SHPRH: variants seen among roughly 807,000 people sequenced by gnomAD.
The protein encoded by SHPRH is SNF2 histone linker PHD RING helicase.
SHPRH carries 106 observed loss-of-function variants against 202.5 expected under a neutral mutation model. That is an observed-to-expected ratio of 0.52 (90% CI 0.45 to 0.62). The LOEUF is 0.62. Among genes scored for constraint, SHPRH ranks in the 20% least tolerant of loss-of-function variants. The probability of loss-of-function intolerance (pLI) is 0.00; values close to 1 mark genes in which losing one functional copy is unlikely to be tolerated. For synonymous variants in SHPRH, 729 were observed against 686.0 expected (o/e 1.06, Z -0.98); for missense variants, 1,710 against 2,020.0 (o/e 0.85, Z 2.94).
At chr6:145,945,267 A>G (rs1421369903) in intron 8 of SHPRH, 114 bp downstream of exon 8, 3 of 1,283,540 alleles carry the variant, frequency 2.3e-6, no homozygotes, top group Admixed American at 2.6e-5. Flanking sequence ...TACTTTTCCT[A>G]TTTTTTTATC....
intron 23 of SHPRH, among the ~76,000 whole-genome samples, chr6:145,913,864 GGTAAAT>G (rs781598991): frequency 2.6e-5 from 4 of 152,002 alleles, no homozygotes; most frequent in Admixed American, 1.3e-4. Context: ...TGACAATCAA[GGTAAAT>G]GTTCACTGGA....
chr6:145,951,714 C>T (rs1317742499), intron 3 of SHPRH: 10 of 444,448 alleles, frequency 2.2e-5, no homozygotes, highest in South Asian at 4.7e-5. Flanking sequence ...AAATAACAAT[C>T]GAAGTTAGAA....
intron 2 of SHPRH, among the ~76,000 whole-genome samples, chr6:145,954,041 A>C (rs1011220257): frequency 6.6e-6 from 1 of 151,896 alleles, no homozygotes; most frequent in African/African-American, 2.4e-5. Flanking sequence ...AGGGCACATA[A>C]TACTACCAAT....
At chr6:145,863,771 G>T (rs998995252), downstream of SHPRH, among the ~76,000 whole-genome samples, 1 of 152,148 alleles carries the variant, frequency 6.6e-6, no homozygotes, top group East Asian at 1.9e-4. Context: ...AAGTGTTTTC[G>T]AGAGGGTAAA....
chr6:145,940,700 T>G, intron 11 of SHPRH, 23 bp downstream of exon 11: 1 of 1,609,734 alleles, frequency 6.2e-7, no homozygotes, highest in Non-Finnish European at 8.5e-7. Context: ...ATGCATGCAA[T>G]ATGTGAGGAA....
intron 25 of SHPRH, among the ~76,000 whole-genome samples, chr6:145,900,254 A>AGT (rs1323332371): frequency 6.6e-6 from 1 of 152,186 alleles, no homozygotes; most frequent in Non-Finnish European, 1.5e-5. Flanking sequence ...AATCAATGTA[A>AGT]GTGTCCATCC....
intron 25 of SHPRH, among the ~76,000 whole-genome samples, chr6:145,898,085 A>G (rs375912203): frequency 6.6e-5 from 10 of 152,206 alleles, no homozygotes; most frequent in African/African-American, 2.4e-4. Flanking sequence ...TTTGCAGATG[A>G]CATGATCTTA....
At chr6:145,958,743 G>A (rs1788758760) in intron 1 of SHPRH, among the ~76,000 whole-genome samples, 2 of 152,162 alleles carry the variant, frequency 1.3e-5, no homozygotes, top group Admixed American at 1.3e-4. Context: ...TGGTCAATGA[G>A]GGACCAAATA....
downstream of SHPRH, among the ~76,000 whole-genome samples, chr6:145,863,845 G>C (rs77159039): frequency 0.023 from 3,466 of 152,254 alleles, 47 homozygotes; most frequent in Admixed American, 0.032. Context: ...TAAGGAGCTG[G>C]CTGTCAGAAA....
intron 19 of SHPRH, 110 bp downstream of exon 19, chr6:145,922,553 C>T: frequency 4.5e-6 from 6 of 1,343,904 alleles, no homozygotes; most frequent in Non-Finnish European, 6.0e-6. Flanking sequence ...CTACTTCTGT[C>T]TCAATTAAAA....
intron 14 of SHPRH, among the ~76,000 whole-genome samples, chr6:145,928,049 CA>C (rs548113241): frequency 2.0e-5 from 3 of 151,402 alleles, no homozygotes; most frequent in Non-Finnish European, 2.9e-5. Flanking sequence ...GAAAAAAATT[CA>C]AAAAAAATAT....
the SHPRH span, among the ~76,000 whole-genome samples, chr6:145,858,198 C>T: frequency 6.6e-6 from 1 of 152,074 alleles, no homozygotes; most frequent in Non-Finnish European, 1.5e-5. Flanking sequence ...ATAATCCAGT[C>T]ATTCTACTCC....
intron 23 of SHPRH, among the ~76,000 whole-genome samples, chr6:145,915,217 A>T (rs932060885): frequency 6.7e-6 from 1 of 148,824 alleles, no homozygotes; most frequent in African/African-American, 2.4e-5. Context: ...TAATAAATTT[A>T]AATAAATTAA....
At position 145,943,420 on chromosome 6, in the gene SHPRH, G is replaced by C; in HGVS notation, c.1961C>G (p.Thr654Ser). Residue 654 changes from threonine to serine, a missense_variant, in exon 9 of 30, where the codon ACC (threonine) becomes AGC (serine). Physicochemically the swap from Thr to Ser is moderately conservative, Grantham distance 58 (BLOSUM62 1). This residue lies in a region of SHPRH where 348 missense variants were observed against 356.9 expected (regional missense o/e 0.97). Coordinates refer to ENST00000275233, the MANE Select transcript of SHPRH (RefSeq NM_001042683.3). ...TATACACTCAAAGCGGTAATCAGAG[G>C]TGTTAAAGGGACTCATGGTATTAGA... ...PPSNTMSPFN[T>S]SDYRFECICG... 2 of 1,614,032 alleles carry C rather than the reference G, an allele frequency of 1.2e-6. No individual in the cohort carries two copies. Among genetic ancestry groups the C allele is most frequent in the Non-Finnish European group, 1.7e-6 (2 of 1,179,948 alleles).
chr6:145,884,001 A>G (rs1454784890), downstream of SHPRH: 5 of 152,228 alleles, frequency 3.3e-5, no homozygotes, highest in Admixed American at 6.6e-5. Context: ...AAATAACTTA[A>G]GCACATTGGA....
In SHPRH at chr6:145,926,276, G is replaced by T. The variant is rs1784871586; in HGVS notation, c.3222C>A (p.Asn1074Lys). The T allele has an allele frequency of 1.2e-6, 2 of 1,612,674 alleles. No homozygotes were observed. Among genetic ancestry groups the T allele is most frequent in the Non-Finnish European group, 1.7e-6 (2 of 1,179,152 alleles). The change falls in exon 16 of 30, where the codon AAC becomes AAA. Residue 1074 changes from asparagine to lysine, a missense_variant. By Grantham distance (94) the Asn-to-Lys change is moderately conservative (BLOSUM62 0). Around this residue, in one of 8 missense-constraint regions of SHPRH, gnomAD observed 288 missense variants for 317.8 expected, o/e 0.91. Coordinates refer to ENST00000275233, the MANE Select transcript of SHPRH (RefSeq NM_001042683.3). ...GCCTGGCTATCAACAATTCCATCAA[G>T]TTATGGGTAGCATGAAGTCTCTACA... ...DSLQRLHATH[N>K]LMELLIARHP... is the part of the protein sequence containing the mutation.
intron 11 of SHPRH, 166 bp from the exon 12 acceptor site, chr6:145,935,607 T>A: frequency 1.5e-6 from 1 of 678,658 alleles, no homozygotes; most frequent in South Asian, 2.4e-5. Flanking sequence ...CATTTATACT[T>A]ATTGAGCATC....
intron 25 of SHPRH, among the ~76,000 whole-genome samples, chr6:145,895,786 T>C (rs1381715602): frequency 6.6e-6 from 1 of 152,030 alleles, no homozygotes; most frequent in African/African-American, 2.4e-5. Context: ...TTATAGTTTC[T>C]AATCCTGTGT....
chr6:145,907,921 C>A (rs961937437), intron 25 of SHPRH: 1 of 152,182 alleles, frequency 6.6e-6, no homozygotes, highest in Non-Finnish European at 1.5e-5. Context: ...TCTCCTTACT[C>A]CCCTGCCCCA....
Sources: gnomAD v4.1 joint callset for allele counts (sites outside exome capture counted in the v4.1 genomes callset) on GRCh38, gnomAD v4.1.1 for gene constraint, gnomAD v4.1.1 regional missense constraint, MANE v1.5 for transcripts, NCBI Gene and HGNC (gene_info 2026-07-23, HGNC 2026-07-21) for gene names.